Variants in KSR2 observed in about 807,000 individuals in gnomAD.
KSR2 encodes the protein kinase suppressor of ras 2.
Under a neutral mutation model 107.8 loss-of-function variants are expected in KSR2, and 25 were observed. The observed-to-expected ratio is 0.23, with a 90% CI of 0.17 to 0.32. The LOEUF is 0.32. KSR2 is among the 10% of genes least tolerant of loss of function. KSR2 has a pLI of 1.00. For synonymous variants in KSR2, 480 were observed against 507.0 expected (o/e 0.95, Z 0.71); for missense variants, 887 against 1,268.9 (o/e 0.70, Z 4.57).
At chr12:117,947,205 A>AAAG (rs58567161) in intron 1 of KSR2, among the ~76,000 whole-genome samples, 20,352 of 66,630 alleles carry the variant, frequency 0.31, 2,767 homozygotes, top group Non-Finnish European at 0.31. Flanking sequence ...GAAAAGAAAG[A>AAAG]AAAGAAAGAA....
intron 3 of KSR2, among the ~76,000 whole-genome samples, chr12:117,848,793 T>C (rs1892795069): frequency 8.2e-6 from 1 of 122,560 alleles, no homozygotes; most frequent in Non-Finnish European, 1.5e-5. Context: ...TGGGTGGTGA[T>C]GGTGGTAACA....
At chr12:117,902,730 A>G (rs1251451611) in intron 1 of KSR2, among the ~76,000 whole-genome samples, 2 of 152,096 alleles carry the variant, frequency 1.3e-5, no homozygotes, top group African/African-American at 4.8e-5. Flanking sequence ...GTATCCCAGA[A>G]CTTAAAGTAT....
In KSR2 at chr12:117,467,065, C is replaced by CAGTG; in HGVS notation, c.*130_*133dup. 2.0e-6 allele frequency: 1 copy of CAGTG among 512,312 alleles called. No homozygotes were observed. Among genetic ancestry groups the CAGTG allele is most frequent in the Non-Finnish European group, 3.5e-6 (1 of 284,664 alleles). The allele number at this position is 512,312 out of a possible 1,614,324, so 31.7% of individuals were successfully genotyped here. A position where few individuals can be genotyped will look rare whatever the true frequency, so the allele number is the denominator to read the frequency against. ...GCAGGGAGGCCGCCGAGCAGTTGTC[C>CAGTG]AGTGCTCCCAGGTCGGTCGGGGTTG... On this transcript the variant is annotated 3_prime_UTR_variant, in exon 20 of 20. Transcript: ENST00000339824.
chr12:117,550,210 G>A (rs960289143), intron 9 of KSR2, among the ~76,000 whole-genome samples: 2 of 152,228 alleles, frequency 1.3e-5, no homozygotes, highest in Non-Finnish European at 2.9e-5. Context: ...GTCACACAGA[G>A]CATTAGTGGC....
intron 3 of KSR2, among the ~76,000 whole-genome samples, chr12:117,795,754 G>A (rs914008778): frequency 3.9e-5 from 6 of 152,162 alleles, no homozygotes; most frequent in South Asian, 2.1e-4. Flanking sequence ...TCAACCTCCC[G>A]AGTAGGTGAG....
intron 4 of KSR2, among the ~76,000 whole-genome samples, chr12:117,739,305 A>C (rs1043994610): frequency 1.3e-5 from 2 of 152,242 alleles, no homozygotes; most frequent in African/African-American, 4.8e-5. Flanking sequence ...CAGTGAGCCG[A>C]GAGCGCGCCA....
intron 4 of KSR2, among the ~76,000 whole-genome samples, chr12:117,676,350 C>T (rs1885118749): frequency 1.3e-5 from 2 of 152,130 alleles, no homozygotes. Flanking sequence ...AATACGCAGT[C>T]CTTTTAGAGA....
intron 4 of KSR2, among the ~76,000 whole-genome samples, chr12:117,735,713 A>G (rs1421845256): frequency 6.6e-6 from 1 of 152,224 alleles, no homozygotes; most frequent in African/African-American, 2.4e-5. Context: ...GAGAAAGTGC[A>G]TCTATAAGAT....
intron 4 of KSR2, among the ~76,000 whole-genome samples, chr12:117,677,546 C>T (rs1021614417): frequency 1.3e-5 from 2 of 152,128 alleles, no homozygotes; most frequent in East Asian, 1.9e-4. Context: ...TTAAGCCCCT[C>T]GATCTGTGAT....
chr12:117,581,583 C>T (rs1879665266), intron 6 of KSR2, among the ~76,000 whole-genome samples: 2 of 152,166 alleles, frequency 1.3e-5, no homozygotes, highest in South Asian at 4.1e-4. Flanking sequence ...AGCACACTTG[C>T]CCCACTCACC....
chr12:117,591,231 G>A (rs1051129488), intron 5 of KSR2, among the ~76,000 whole-genome samples: 2 of 152,172 alleles, frequency 1.3e-5, no homozygotes, highest in Non-Finnish European at 2.9e-5. Flanking sequence ...ACTCATGGGG[G>A]CAGAGGAAAA....
chr12:117,464,877 T>C lies in KSR2; in HGVS notation c.*2322A>G, dbSNP rs1391583901. ...TCCCAAACTGGTGCTCATGAATGAA[T>C]GGAAAAATCAGCTGTTGGAGATCAT... On this transcript the variant is annotated 3_prime_UTR_variant, in exon 20 of 20. Transcript: ENST00000339824. 1 of 152,198 alleles carries C rather than the reference T, an allele frequency of 6.6e-6. No individual in the cohort carries two copies. Among genetic ancestry groups the C allele is most frequent in the Non-Finnish European group, 1.5e-5 (1 of 68,070 alleles). The allele number at this position is 152,198 out of a possible 1,614,324, so 9.4% of individuals were successfully genotyped here.
At chr12:117,876,249 T>G (rs1299020924) in intron 1 of KSR2, among the ~76,000 whole-genome samples, 1 of 152,234 alleles carries the variant, frequency 6.6e-6, no homozygotes, top group African/African-American at 2.4e-5. Flanking sequence ...ATTATTTGAC[T>G]GGAGAACGTC....
At chr12:117,522,251 G>A (rs1874801473) in intron 14 of KSR2, among the ~76,000 whole-genome samples, 1 of 152,166 alleles carries the variant, frequency 6.6e-6, no homozygotes, top group Admixed American at 6.5e-5. Flanking sequence ...TGCTGAGTTT[G>A]TCTATTTCCA....
chr12:117,492,400 CG>C (rs1449558359), intron 14 of KSR2, among the ~76,000 whole-genome samples: 2 of 133,762 alleles, frequency 1.5e-5, no homozygotes, highest in Admixed American at 7.0e-5. Flanking sequence ...CTCCTCCAAA[CG>C]CTTCAGCACC....
At chr12:117,473,868 T>C (rs1477963444) in intron 17 of KSR2, among the ~76,000 whole-genome samples, 1 of 152,202 alleles carries the variant, frequency 6.6e-6, no homozygotes, top group African/African-American at 2.4e-5. Flanking sequence ...GGCATGTCAC[T>C]GAGCCATCTG....
At chr12:117,908,001 A>G (rs2137418113) in intron 1 of KSR2, among the ~76,000 whole-genome samples, 1 of 152,296 alleles carries the variant, frequency 6.6e-6, no homozygotes, top group South Asian at 2.1e-4. Flanking sequence ...AGTTTCCAAG[A>G]AGGAAGAATG....
chr12:117,732,861 T>C (rs1887785892), intron 4 of KSR2, among the ~76,000 whole-genome samples: 1 of 152,144 alleles, frequency 6.6e-6, no homozygotes. Context: ...AGAGGGGATG[T>C]AGGCCAGGAG....
At position 117,703,651 on chromosome 12, in the gene KSR2, G is replaced by T. The variant is rs147691437; in HGVS notation, c.987-35993C>A. 3.3e-5 allele frequency among the ~76,000 whole-genome samples: 5 copies of T among 152,334 alleles called. No individual in the cohort carries two copies. The East Asian group carries it at 9.6e-4, about 29-fold the overall frequency. ...CTGAAAAACCACTTGTGTGTCTTAA[G>T]TGACGCTGAATTTATCAAACACACA... On this transcript the variant is annotated intron_variant, in intron 4 of 19. Transcript: ENST00000339824.
Sources: gnomAD v4.1 joint callset for allele counts (sites outside exome capture counted in the v4.1 genomes callset) on GRCh38, gnomAD v4.1.1 for gene constraint, MANE v1.5 for transcripts, NCBI Gene and HGNC (gene_info 2026-07-23, HGNC 2026-07-21) for gene names.